Variants in CENPI observed in about 807,000 individuals in gnomAD.
CENPI encodes FSH primary response 1.
CENPI carries 4 observed loss-of-function variants against 60.4 expected under a neutral mutation model. The ratio of observed to expected loss-of-function variants is 0.07; its 90% confidence interval spans 0.03 to 0.15. CENPI has a LOEUF of 0.15. CENPI is among the 10% of genes least tolerant of loss of function. The pLI, the probability that CENPI is intolerant of heterozygous loss-of-function variation, is 1.00. For missense variants in CENPI, 444 were observed against 534.5 expected, an observed-to-expected ratio of 0.83 and a Z score of 1.67; for synonymous variants, 157 against 189.4, an observed-to-expected ratio of 0.83 and a Z score of 1.40.
At chrX:101,148,224 G>C in intron 20 of CENPI, 63 bp downstream of exon 20, 4 of 937,721 alleles carry the variant, frequency 4.3e-6, no homozygotes, top group East Asian at 3.1e-5. Flanking sequence ...GAAATAGGAA[G>C]TGCCATAAAT....
chrX:101,115,069 T>A (rs1209045892), intron 6 of CENPI, among the ~76,000 whole-genome samples: 1 of 109,963 alleles, frequency 9.1e-6, no homozygotes, highest in Non-Finnish European at 1.9e-5. Flanking sequence ...GTTCAAGTGA[T>A]TCTCCTGCCT....
chrX:101,122,107 G>C (rs1387027314), intron 8 of CENPI, among the ~76,000 whole-genome samples: 5 of 111,366 alleles, frequency 4.5e-5, no homozygotes, highest in Admixed American at 3.8e-4. Context: ...GTCTGGCCTA[G>C]GAAAGCATTT....
Position 101,110,802 on chromosome X carries a change from A to G in CENPI, c.591+804A>G, listed in dbSNP as rs1254126072. 6.3e-5 allele frequency among the ~76,000 whole-genome samples: 7 copies of G among 111,453 alleles called. No individual in the cohort carries two copies. The South Asian group carries it at 2.2e-3, about 35-fold the overall frequency. ...AAACAGTATATGATAGTTTGAGGAT[A>G]ATAATTGCTGTAATATTTCCAGGAA... On this transcript the variant is annotated intron_variant, in intron 6 of 21. Coordinates refer to ENST00000682095, the MANE Select transcript of CENPI (RefSeq NM_001386188.2).
At chrX:101,134,694 A>G (rs2089828511) in intron 15 of CENPI, among the ~76,000 whole-genome samples, 1 of 111,376 alleles carries the variant, frequency 9.0e-6, no homozygotes, top group Non-Finnish European at 1.9e-5. Context: ...AAATAAGGCC[A>G]GGAGAAGGCT....
intron 2 of CENPI, among the ~76,000 whole-genome samples, chrX:101,099,643 T>C (rs1394221480): frequency 9.0e-6 from 1 of 110,544 alleles, no homozygotes; most frequent in East Asian, 2.8e-4. Flanking sequence ...TGGTTCCTTC[T>C]TGGCATTCAA....
Position 101,163,905 on chromosome X carries a change from C to T in CENPI, c.*938C>T, listed in dbSNP as rs1034540114. On this transcript the variant is annotated 3_prime_UTR_variant, in exon 22 of 22. Coordinates refer to ENST00000682095, the MANE Select transcript of CENPI (RefSeq NM_001386188.2). ...AAAAAATTGGCCGGGCATGCCGGCA[C>T]GTGCCTGTAGTCCCAGCTACTCAGG... is the stretch of plus-strand genomic sequence containing the variant. Among the ~76,000 whole-genome samples, 1 of 110,175 alleles carries T rather than the reference C, an allele frequency of 9.1e-6. No homozygotes were observed. The highest frequency in any genetic ancestry group is 1.9e-5 in the Non-Finnish European group (1 of 52,752).
intron 16 of CENPI, among the ~76,000 whole-genome samples, chrX:101,142,956 C>G (rs2089927316): frequency 9.2e-6 from 1 of 108,372 alleles, no homozygotes; most frequent in South Asian, 4.1e-4. Context: ...GCCTGTAATC[C>G]CAGCTACTCA....
intron 4 of CENPI, among the ~76,000 whole-genome samples, chrX:101,107,146 A>G (rs1234327051): frequency 1.9e-5 from 2 of 107,242 alleles, no homozygotes; most frequent in Non-Finnish European, 3.8e-5. Context: ...ACAAATATAT[A>G]TATTTTTAAT....
At chrX:101,156,463 TAAC>T (rs1043424783) in intron 20 of CENPI, among the ~76,000 whole-genome samples, 1 of 112,165 alleles carries the variant, frequency 8.9e-6, no homozygotes, top group African/African-American at 3.2e-5. Context: ...GAAAAATAAT[TAAC>T]AATTATTTAT....
chrX:101,155,187 A>G (rs2090041660), intron 20 of CENPI, among the ~76,000 whole-genome samples: 1 of 110,290 alleles, frequency 9.1e-6, no homozygotes, highest in Non-Finnish European at 1.9e-5. Context: ...TTCTATTTCC[A>G]GTTTGTTGAG....
At chrX:101,142,014 G>A (rs1170376211) in intron 16 of CENPI, among the ~76,000 whole-genome samples, 1 of 111,913 alleles carries the variant, frequency 8.9e-6, no homozygotes, top group Admixed American at 9.6e-5. Context: ...TCACAGGTGT[G>A]AGCCACCACA....
At chrX:101,167,466 A>T (rs1308761703), downstream of CENPI, among the ~76,000 whole-genome samples, 2 of 111,969 alleles carry the variant, frequency 1.8e-5, no homozygotes, top group African/African-American at 6.5e-5. Flanking sequence ...ATTTTTAAAA[A>T]TTAACCTTTA....
At chrX:101,177,199 G>GCCTGCCACCACA in the CENPI span, among the ~76,000 whole-genome samples, 1 of 111,431 alleles carries the variant, frequency 9.0e-6, no homozygotes, top group Non-Finnish European at 1.9e-5. Context: ...GGTATGGTGT[G>GCCTGCCACCACA]GTCAATGATA....
At chrX:101,118,398 A>C (rs1371819688) in intron 6 of CENPI, among the ~76,000 whole-genome samples, 1 of 111,906 alleles carries the variant, frequency 8.9e-6, no homozygotes, top group Non-Finnish European at 1.9e-5. Context: ...TTAACCTCAT[A>C]TTGTTTCTGT....
rs746648762 is a variant in CENPI at position 101,132,374 on chromosome X, CT to C, written c.1406-10del. Reference sequence around the variant, plus strand: ...TATGATTGAAAGGATTTTGAATAATCTTTTTTTTGATTCCTAGAGGTGAAAC... The same window carrying C: ...TATGATTGAAAGGATTTTGAATAATCTTTTTTTGATTCCTAGAGGTGAAAC... On this transcript the variant is annotated splice_polypyrimidine_tract_variant and intron_variant, in intron 14 of 21. Transcript: ENST00000682095. 2 of 1,196,211 alleles carry C rather than the reference CT, an allele frequency of 1.7e-6. No individual in the cohort carries two copies. The highest frequency in any genetic ancestry group is 1.1e-6 in the Non-Finnish European group (1 of 883,471).
intron 15 of CENPI, among the ~76,000 whole-genome samples, chrX:101,139,763 T>C (rs1054307802): frequency 2.7e-5 from 3 of 111,548 alleles, no homozygotes; most frequent in African/African-American, 9.7e-5. Context: ...TTCAAATTTA[T>C]AGATATTACG....
At chrX:101,140,064 C>A (rs1214310601) in intron 15 of CENPI, among the ~76,000 whole-genome samples, 1 of 111,373 alleles carries the variant, frequency 9.0e-6, no homozygotes, top group Non-Finnish European at 1.9e-5. Context: ...TCTCGATCTG[C>A]TGACCTTCTG....
chrX:101,140,682 G>C lies in CENPI; in HGVS notation c.1487G>C (p.Ser496Thr), dbSNP rs376779362. The C allele has an allele frequency of 7.5e-6, 9 of 1,197,348 alleles. No individual in the cohort carries two copies. Among genetic ancestry groups the C allele is most frequent in the Non-Finnish European group, 1.0e-5 (9 of 883,808 alleles). Residue 496 changes from serine to threonine, a missense_variant, in exon 16 of 22, where the codon AGT becomes ACT. Physicochemically the swap from Ser to Thr is moderately conservative, Grantham distance 58. Transcript: ENST00000682095. ...TIYFKCSVLQSLKELLQNWLL... is the reference protein window; with the variant it reads ...TIYFKCSVLQTLKELLQNWLL... ...CCCCCTCAGTGTAGTGTGCTTCAGA[G>C]TCTGAAAGAGCTATTGCAGAATTGG...
intron 8 of CENPI, among the ~76,000 whole-genome samples, chrX:101,122,064 C>T (rs1408856396): frequency 9.0e-6 from 1 of 111,340 alleles, no homozygotes; most frequent in Non-Finnish European, 1.9e-5. Context: ...CTTGGCCTCC[C>T]AAAGTGCTGG....
Sources: gnomAD v4.1 joint callset for allele counts (sites outside exome capture counted in the v4.1 genomes callset) on GRCh38, gnomAD v4.1.1 for gene constraint, MANE v1.5 for transcripts, NCBI Gene and HGNC (gene_info 2026-07-23, HGNC 2026-07-21) for gene names.